The following NAPB variants were observed in gnomAD, a reference collection of about 807,000 sequenced individuals.
NAPB encodes the protein NSF attachment protein beta, also known as beta-soluble NSF attachment protein.
NAPB carries 26 observed loss-of-function variants against 44.7 expected under a neutral mutation model. That is an observed-to-expected ratio of 0.58 (90% confidence interval 0.43 to 0.81). The LOEUF is 0.81. Ranked by LOEUF, NAPB falls within the 30% of genes least tolerant of loss-of-function variation. The pLI is 0.00. For missense variants in NAPB, 315 were observed against 356.4 expected (o/e 0.88, Z 0.94); for synonymous variants, 120 against 116.8 (o/e 1.03, Z -0.18).
At chr20:23,378,862 A>T (rs1982757902) in intron 10 of NAPB, 1 of 112,716 alleles carries the variant, frequency 8.9e-6, no homozygotes. Context: ...CTCTGTCACC[A>T]GGCTGGAGTG....
In NAPB at chr20:23,389,824, ACCG is replaced by A; in HGVS notation, c.561+119_561+121del. ...ATACAACTTTGTGAACAGACTAAAA[ACCG>A]CTGAACTGTACTCATTACGTGATGT... On this transcript the variant is annotated intron_variant, in intron 7 of 10. Transcript: ENST00000377026. 3.9e-5 allele frequency: 30 copies of A among 763,970 alleles called. 1 individual carries two copies. In the South Asian group the frequency reaches 4.9e-4, roughly 13 times the overall value. 47.3% of individuals were successfully genotyped at this position (763,970 alleles called of 1,614,324 possible).
rs375992894 is a variant in NAPB at position 23,395,128 on chromosome 20, C to A, written c.342+11G>T. 6.2e-7 allele frequency: 1 copy of A among 1,614,162 alleles called. No individual in the cohort carries two copies. On this transcript the variant is annotated intron_variant, in intron 4 of 10. Coordinates refer to ENST00000377026, the MANE Select transcript of NAPB (RefSeq NM_022080.3). The stretch of plus-strand genomic sequence containing the variant: ...CCACCCCACAGCCACTCAAGCAATG[C>A]AATGTCTTACCATGTCTGTGTAAAT...
intron 1 of NAPB, among the ~76,000 whole-genome samples, chr20:23,420,575 C>T (rs1055950107): frequency 3.9e-5 from 6 of 152,056 alleles, no homozygotes; most frequent in African/African-American, 1.4e-4. Flanking sequence ...CCTCCGGCTC[C>T]ACCCCGGCGC....
At chr20:23,383,489 G>T (rs1983210260) in intron 7 of NAPB, among the ~76,000 whole-genome samples, 1 of 152,134 alleles carries the variant, frequency 6.6e-6, no homozygotes, top group African/African-American at 2.4e-5. Context: ...GGCTGAGGTG[G>T]GTGGATCACT....
intron 5 of NAPB, among the ~76,000 whole-genome samples, chr20:23,391,492 A>G (rs1329053222): frequency 6.6e-6 from 1 of 152,194 alleles, no homozygotes. Flanking sequence ...TAAAGCTCTC[A>G]TAAGATTGAA....
chr20:23,395,452 C>T (rs1181112415), intron 3 of NAPB, among the ~76,000 whole-genome samples: 1 of 152,128 alleles, frequency 6.6e-6, no homozygotes, highest in Admixed American at 6.5e-5. Context: ...AGTGAGGACT[C>T]CATCCAGGCA....
At chr20:23,397,693 C>A (rs1362335599) in intron 2 of NAPB, among the ~76,000 whole-genome samples, 1 of 152,182 alleles carries the variant, frequency 6.6e-6, no homozygotes, top group African/African-American at 2.4e-5. Context: ...ATCAGGCCCA[C>A]AATTTTGAAA....
chr20:23,405,474 C>T (rs1029756896), intron 1 of NAPB, among the ~76,000 whole-genome samples: 4 of 152,204 alleles, frequency 2.6e-5, no homozygotes, highest in Non-Finnish European at 4.4e-5. Context: ...GTAATCCCAG[C>T]GCTTTGGGAG....
chr20:23,377,169 A>G lies in NAPB; in HGVS notation c.*207T>C. On this transcript the variant is annotated 3_prime_UTR_variant, in exon 11 of 11. Coordinates refer to ENST00000377026, the MANE Select transcript of NAPB (RefSeq NM_022080.3). ...ACGCTGGGGGTTCTGATAAGCATGAAACAACCCATCATTACCACAAGATGA... is the reference window on the plus strand; with the variant it reads ...ACGCTGGGGGTTCTGATAAGCATGAGACAACCCATCATTACCACAAGATGA... 1 of 354,166 alleles carries G rather than the reference A, an allele frequency of 2.8e-6. No individual in the cohort carries two copies. The highest frequency in any genetic ancestry group is 4.7e-5 in the Admixed American group (1 of 21,328). 21.9% of individuals were successfully genotyped at this position (354,166 alleles called of 1,614,324 possible).
chr20:23,380,528 C>CT (rs11387171), intron 8 of NAPB: 71,490 of 145,824 alleles, frequency 0.49, 19,291 homozygotes, highest in African/African-American at 0.74. Context: ...TAATTTCTTT[C>CT]TTTTTTTTTT....
chr20:23,418,065 T>C (rs1163762341), intron 1 of NAPB, among the ~76,000 whole-genome samples: 1 of 152,204 alleles, frequency 6.6e-6, no homozygotes, highest in African/African-American at 2.4e-5. Flanking sequence ...GCATTCAGAA[T>C]GTCTGTGATG....
intron 1 of NAPB, among the ~76,000 whole-genome samples, chr20:23,404,836 C>T (rs925071309): frequency 6.6e-6 from 1 of 152,212 alleles, no homozygotes; most frequent in Non-Finnish European, 1.5e-5. Context: ...GGATGGGCTA[C>T]TGTCTGTCAA....
At chr20:23,408,868 ACC>A (rs1985444526) in intron 1 of NAPB, among the ~76,000 whole-genome samples, 1 of 152,190 alleles carries the variant, frequency 6.6e-6, no homozygotes, top group Admixed American at 6.5e-5. Flanking sequence ...ATCAAACTGT[ACC>A]CCATCAATAT....
chr20:23,383,765 A>T (rs1983235288), intron 7 of NAPB, among the ~76,000 whole-genome samples: 1 of 152,234 alleles, frequency 6.6e-6, no homozygotes, highest in African/African-American at 2.4e-5. Context: ...GTAAGCAAAA[A>T]TATGGGTAAA....
At chr20:23,394,816 T>G in intron 5 of NAPB, 106 bp downstream of exon 5, 1 of 1,152,076 alleles carries the variant, frequency 8.7e-7, no homozygotes, top group Non-Finnish European at 1.3e-6. Flanking sequence ...CAAGGCCATC[T>G]ATGACCACTC....
At position 23,379,918 on chromosome 20, in the gene NAPB, A is replaced by T; in HGVS notation, c.684T>A (p.Tyr228Ter). ...CAGTAAATGCTGGAAACATTTCCTC[A>T]TATTTCTCAAGAGCAAGCTGAGAGA... is the stretch of plus-strand genomic sequence containing the variant. The part of the protein sequence containing the change: ...ELNAKLALEK[Y>*]EEMFPAFTDS... Residue 228 changes from tyrosine (Y) to a stop codon, truncating the protein, a stop_gained, in exon 9 of 11, where the codon TAT becomes TAA. Coordinates refer to ENST00000377026, the MANE Select transcript of NAPB (RefSeq NM_022080.3). LOFTEE classifies it high-confidence loss of function. The T allele has an allele frequency of 1.9e-6, 3 of 1,613,260 alleles. No homozygotes were observed. Among genetic ancestry groups the T allele is most frequent in the Non-Finnish European group, 2.5e-6 (3 of 1,179,522 alleles).
At position 23,418,505 on chromosome 20, in the gene NAPB, ACTC is replaced by A. The variant is rs1986157447; in HGVS notation, c.98+2797_98+2799del. ...TTCAGTAATTATACAATATTACTAA[ACTC>A]CTAAAATTCTAAGTACTCTTCTTCC... On this transcript the variant is annotated intron_variant, in intron 1 of 10. Transcript: ENST00000377026. Among the ~76,000 whole-genome samples, 8 of 152,288 alleles carry A rather than the reference ACTC, an allele frequency of 5.3e-5. 1 individual carries two copies. The South Asian group carries it at 1.4e-3, about 28-fold the overall frequency.
chr20:23,391,372 TGAG>T (rs1983946656), intron 5 of NAPB, among the ~76,000 whole-genome samples: 1 of 152,150 alleles, frequency 6.6e-6, no homozygotes, highest in Non-Finnish European at 1.5e-5. Flanking sequence ...GCAAAATGGC[TGAG>T]AAGAGTCAGA....
intron 2 of NAPB, among the ~76,000 whole-genome samples, chr20:23,398,987 C>T (rs1399479052): frequency 6.7e-6 from 1 of 150,316 alleles, no homozygotes; most frequent in African/African-American, 2.5e-5. Flanking sequence ...TATACCTGGC[C>T]GTAAACATCC....
Sources: gnomAD v4.1 joint callset for allele counts (sites outside exome capture counted in the v4.1 genomes callset) on GRCh38, gnomAD v4.1.1 for gene constraint, MANE v1.5 for transcripts, NCBI Gene and HGNC (gene_info 2026-07-23, HGNC 2026-07-21) for gene names.